The following C1orf198 variants were observed in gnomAD, a reference collection of about 807,000 sequenced individuals.
The protein encoded by C1orf198 is chromosome 1 open reading frame 198.
In C1orf198, 17 loss-of-function variants were observed where a neutral mutation model predicts 31.4. The ratio of observed to expected loss-of-function variants is 0.54; its 90% CI spans 0.37 to 0.81. The LOEUF is 0.81. Ranked by LOEUF, C1orf198 falls within the 40% of genes least tolerant of loss-of-function variation. C1orf198 has a pLI of 0.00. For missense variants in C1orf198, 401 were observed against 450.3 expected (o/e 0.89, Z 0.99); for synonymous variants, 175 against 193.8 (o/e 0.90, Z 0.81).
Position 230,868,161 on chromosome 1 carries a change from C to T in C1orf198, c.333+19G>A. The T allele has an allele frequency of 2.1e-6, 3 of 1,421,830 alleles. No homozygotes were observed. Among genetic ancestry groups the T allele is most frequent in the Non-Finnish European group, 2.7e-6 (3 of 1,094,108 alleles). The allele number at this position is 1,421,830 out of a possible 1,614,324, so 88.1% of individuals were successfully genotyped here. A position where few individuals can be genotyped will look rare whatever the true frequency, so the allele number is the denominator to read the frequency against. On this transcript the variant is annotated intron_variant, in intron 1 of 3. Transcript: ENST00000366663. ...GGCGCCGGGAGGGGAAGAGGGTCCG[C>T]GGCCAGGCCCGCACCTACCTCGTCC...
upstream of C1orf198, chr1:230,868,599 C>G (rs980354698): frequency 9.7e-7 from 1 of 1,027,290 alleles, no homozygotes; most frequent in African/African-American, 1.7e-5. Context: ...GAGCCCCGCC[C>G]CCTCCGGGAA....
At position 230,837,613 on chromosome 1, in the gene C1orf198, A is replaced by G. The variant is rs1669334489; in HGVS notation, c.*2239T>C. On this transcript the variant is annotated 3_prime_UTR_variant, in exon 4 of 4. Coordinates refer to ENST00000366663, the MANE Select transcript of C1orf198 (RefSeq NM_032800.3). Reference sequence around the variant, plus strand: ...AACCATCTTCGCATAGACTTTGCCCAAGGTGTAGAGGAAGATCTGCCGGTC... The same window carrying G: ...AACCATCTTCGCATAGACTTTGCCCGAGGTGTAGAGGAAGATCTGCCGGTC... 6.6e-6 allele frequency: 1 copy of G among 152,244 alleles called. No individual in the cohort carries two copies. Among genetic ancestry groups the G allele is most frequent in the Non-Finnish European group, 1.5e-5 (1 of 68,044 alleles). 9.4% of individuals were successfully genotyped at this position (152,244 alleles called of 1,614,324 possible). A position where few individuals can be genotyped will look rare whatever the true frequency, so the allele number is the denominator to read the frequency against.
chr1:230,858,207 T>G (rs1669923118), intron 1 of C1orf198, among the ~76,000 whole-genome samples: 1 of 152,176 alleles, frequency 6.6e-6, no homozygotes, highest in Non-Finnish European at 1.5e-5. Flanking sequence ...CGTCTCTGTG[T>G]GCATGCTAGG....
intron 2 of C1orf198, among the ~76,000 whole-genome samples, chr1:230,844,695 C>T (rs6670966): frequency 0.076 from 11,501 of 152,132 alleles, 1,422 homozygotes; most frequent in African/African-American, 0.26. Context: ...GGGAGGATAA[C>T]GAGGAAAGGT....
chr1:230,852,358 T>G (rs1273869255), intron 2 of C1orf198, among the ~76,000 whole-genome samples: 1 of 152,222 alleles, frequency 6.6e-6, no homozygotes, highest in Middle Eastern at 3.4e-3. Flanking sequence ...AATGAATGAT[T>G]TCAGAGACAG....
At chr1:230,850,150 A>G (rs1453065002) in intron 2 of C1orf198, among the ~76,000 whole-genome samples, 2 of 152,250 alleles carry the variant, frequency 1.3e-5, no homozygotes, top group Non-Finnish European at 2.9e-5. Context: ...AGACGCACCA[A>G]CAAGGAATTC....
chr1:230,853,876 A>T (rs1669803832), intron 2 of C1orf198, among the ~76,000 whole-genome samples: 1 of 152,132 alleles, frequency 6.6e-6, no homozygotes, highest in Non-Finnish European at 1.5e-5. Flanking sequence ...AGTGGACTGT[A>T]CTTGCTCTCT....
At chr1:230,852,364 G>T (rs1669768788) in intron 2 of C1orf198, among the ~76,000 whole-genome samples, 2 of 152,130 alleles carry the variant, frequency 1.3e-5, no homozygotes, top group African/African-American at 4.8e-5. Flanking sequence ...TGATTTCAGA[G>T]ACAGAAAATA....
intron 1 of C1orf198, among the ~76,000 whole-genome samples, chr1:230,864,297 G>A (rs1325047854): frequency 1.3e-5 from 2 of 152,176 alleles, no homozygotes; most frequent in East Asian, 3.9e-4. Flanking sequence ...TTTGCAGGTA[G>A]CCCTAATGAC....
At chr1:230,848,288 T>G (rs941870628) in intron 2 of C1orf198, among the ~76,000 whole-genome samples, 1 of 152,252 alleles carries the variant, frequency 6.6e-6, no homozygotes, top group African/African-American at 2.4e-5. Flanking sequence ...TCCCTATGTA[T>G]GTGTATGCTG....
chr1:230,858,627 G>A (rs1488656709), intron 1 of C1orf198, among the ~76,000 whole-genome samples: 2 of 152,224 alleles, frequency 1.3e-5, no homozygotes, highest in Admixed American at 6.5e-5. Context: ...CAGGCCACTG[G>A]CCACCCAAAT....
At chr1:230,858,364 T>G (rs1001635696) in intron 1 of C1orf198, among the ~76,000 whole-genome samples, 4 of 152,238 alleles carry the variant, frequency 2.6e-5, no homozygotes, top group African/African-American at 9.6e-5. Flanking sequence ...TTATTCTAGT[T>G]AATCATTCAT....
At chr1:230,842,832 A>G (rs1055112376) in intron 3 of C1orf198, among the ~76,000 whole-genome samples, 10 of 152,212 alleles carry the variant, frequency 6.6e-5, no homozygotes, top group African/African-American at 2.4e-4. Context: ...CATGGAGGCA[A>G]CTGCATCCTG....
In C1orf198 at chr1:230,843,913, GA is replaced by G; in HGVS notation, c.385-18del. The G allele has an allele frequency of 6.7e-7, 1 of 1,497,144 alleles. No individual in the cohort carries two copies. The highest frequency in any genetic ancestry group is 8.9e-7 in the Non-Finnish European group (1 of 1,129,112). 92.7% of individuals were successfully genotyped at this position (1,497,144 alleles called of 1,614,324 possible). ...CATCTGACTCTAGGGTGGGACATGA[GA>G]AAGGACAGAAAAAAGAAAGAGATCC... On this transcript the variant is annotated intron_variant, in intron 2 of 3. Transcript: ENST00000366663. The surrounding 1 kb of genome is among the most constrained non-coding windows in gnomAD (Gnocchi z 4.9).
intron 2 of C1orf198, among the ~76,000 whole-genome samples, chr1:230,850,755 G>A (rs1316148537): frequency 6.6e-6 from 1 of 152,028 alleles, no homozygotes; most frequent in African/African-American, 2.4e-5. Flanking sequence ...CAAGTTGCGG[G>A]TGGGTGGATG....
intron 1 of C1orf198, 178 bp from the exon 2 acceptor site, chr1:230,855,896 C>G: frequency 7.3e-7 from 1 of 1,369,554 alleles, no homozygotes; most frequent in African/African-American, 1.5e-5. Context: ...TCAGATTGCT[C>G]CCTCATCTTT....
chr1:230,857,620 T>C lies in C1orf198; in HGVS notation c.334-1902A>G, dbSNP rs1378725993. On this transcript the variant is annotated intron_variant, in intron 1 of 3. Transcript: ENST00000366663. This position sits in a 1 kb window ranked among gnomAD's most constrained non-coding sequence, Gnocchi z 4.2. The stretch of plus-strand genomic sequence containing the variant: ...TGTGGCACAAATACTTCACATATGC[T>C]GGGGATAAAGAGCAAGGAAAACCCA... Among the ~76,000 whole-genome samples, 1 of 152,100 alleles carries C rather than the reference T, an allele frequency of 6.6e-6. No individual in the cohort carries two copies. The highest frequency in any genetic ancestry group is 2.4e-5 in the African/African-American group (1 of 41,390).
At chr1:230,861,843 C>G (rs1670011220) in intron 1 of C1orf198, among the ~76,000 whole-genome samples, 1 of 152,204 alleles carries the variant, frequency 6.6e-6, no homozygotes, top group African/African-American at 2.4e-5. Flanking sequence ...AAAACAGCAT[C>G]AGGATCTTGG....
At chr1:230,862,092 T>C (rs1670016573) in intron 1 of C1orf198, among the ~76,000 whole-genome samples, 1 of 152,222 alleles carries the variant, frequency 6.6e-6, no homozygotes, top group Non-Finnish European at 1.5e-5. Flanking sequence ...CTGGCCATCT[T>C]GGTTCATCCA....
Sources: allele counts gnomAD v4.1 joint callset (sites outside exome capture counted in the v4.1 genomes callset), GRCh38; gene constraint gnomAD v4.1.1; non-coding constraint Gnocchi (gnomAD v3.1); transcripts MANE v1.5; gene names NCBI Gene and HGNC (gene_info 2026-07-23, HGNC 2026-07-21).